VWA3A: variants seen among roughly 807,000 people sequenced by gnomAD.
VWA3A encodes the protein von Willebrand factor A domain containing 3A.
VWA3A carries 134 observed loss-of-function variants against 160.4 expected under a neutral mutation model. The ratio of observed to expected loss-of-function variants is 0.84; its 90% confidence interval spans 0.73 to 0.96. The LOEUF (loss-of-function observed/expected upper bound fraction) is 0.96, where lower values mean the gene tolerates loss of function less well. VWA3A is among the 40% of genes least tolerant of loss of function. The probability of loss-of-function intolerance (pLI) is 0.00; values close to 1 mark genes in which losing one functional copy is unlikely to be tolerated. For missense variants in VWA3A, 1,310 were observed against 1,447.9 expected (o/e 0.90, Z 1.55); for synonymous variants, 476 against 543.4 (o/e 0.88, Z 1.72).
intron 9 of VWA3A, 141 bp from the exon 10 acceptor site, chr16:22,116,618 C>T (rs1284567989): frequency 1.4e-6 from 1 of 691,940 alleles, no homozygotes; most frequent in African/African-American, 1.8e-5. Context: ...CCACCTAGCC[C>T]TGCATGCCAC....
intron 12 of VWA3A, 120 bp from the exon 13 acceptor site, chr16:22,120,848 T>C: frequency 7.8e-7 from 1 of 1,283,358 alleles, no homozygotes; most frequent in Admixed American, 2.6e-5. Context: ...AAAACTGCCT[T>C]TAATCTACCA....
chr16:22,138,612 G>A (rs1598094167), intron 22 of VWA3A, 100 bp downstream of exon 22: 2 of 1,494,162 alleles, frequency 1.3e-6, no homozygotes, highest in East Asian at 2.3e-5. Context: ...AGGGATGGGG[G>A]TGGGTGCTTC....
chr16:22,143,073 C>G (rs1292860217), intron 25 of VWA3A, among the ~76,000 whole-genome samples: 1 of 150,908 alleles, frequency 6.6e-6, no homozygotes, highest in African/African-American at 2.4e-5. Flanking sequence ...TCACTTGAAA[C>G]TGGGAGGTGG....
Position 22,100,534 on chromosome 16 carries a change from C to G in VWA3A, c.428+41C>G, listed in dbSNP as rs140421396. On this transcript the variant is annotated intron_variant, in intron 5 of 33. Transcript: ENST00000389398. ...ACTGTCCTCCCAACACCACAGAACT[C>G]AAGAATTATGTCATTTCAGTCCGGG... 9.1e-6 allele frequency: 14 copies of G among 1,534,666 alleles called. No homozygotes were observed. The East Asian group carries it at 2.9e-4, about 32-fold the overall frequency.
At chr16:22,094,255 G>C (rs893497083) in intron 1 of VWA3A, among the ~76,000 whole-genome samples, 3 of 151,932 alleles carry the variant, frequency 2.0e-5, no homozygotes, top group East Asian at 1.9e-4. Context: ...TGTTCATGAG[G>C]CATTTCTATT....
intron 21 of VWA3A, among the ~76,000 whole-genome samples, chr16:22,135,615 G>C (rs1285877443): frequency 1.3e-5 from 2 of 152,030 alleles, no homozygotes; most frequent in African/African-American, 4.8e-5. Context: ...GAAGCCATTG[G>C]TTTTAGGTCT....
chr16:22,103,382 C>T, intron 5 of VWA3A, 93 bp from the exon 6 acceptor site: 1 of 1,136,266 alleles, frequency 8.8e-7, no homozygotes, highest in Non-Finnish European at 1.2e-6. Flanking sequence ...AAAAAAAAAA[C>T]AATTATTCAT....
Position 22,156,737 on chromosome 16 carries a change from G to A in VWA3A, c.*720G>A, listed in dbSNP as rs2046447655. 6.6e-6 allele frequency: 1 copy of A among 152,188 alleles called. No homozygotes were observed. The highest frequency in any genetic ancestry group is 1.9e-4 in the East Asian group (1 of 5,198). The allele number at this position is 152,188 out of a possible 1,614,324, so 9.4% of individuals were successfully genotyped here. ...CATCCTGGGGGAAGAAGAAACAAGT[G>A]AGCCTCAGCACCACCCTCCATCCCT... On this transcript the variant is annotated 3_prime_UTR_variant, in exon 34 of 34. Coordinates refer to ENST00000389398, the MANE Select transcript of VWA3A (RefSeq NM_173615.5).
chr16:22,094,888 A>T lies in VWA3A; in HGVS notation c.15-1971A>T, dbSNP rs191373408. On this transcript the variant is annotated intron_variant, in intron 1 of 33. Coordinates refer to ENST00000389398, the MANE Select transcript of VWA3A (RefSeq NM_173615.5). ...AGGCTAAGGCAGGAGAATCACTTGA[A>T]CCTGGGAGGTGGAGATTGCAGTGAG... Among the ~76,000 whole-genome samples the T allele has an allele frequency of 2.2e-3, 327 of 151,130 alleles. 3 individuals carry two copies. Among genetic ancestry groups the T allele is most frequent in the African/African-American group, 6.9e-3 (285 of 41,118 alleles).
intron 26 of VWA3A, 103 bp downstream of exon 26, chr16:22,144,487 A>G: frequency 6.8e-7 from 1 of 1,471,036 alleles, no homozygotes; most frequent in Non-Finnish European, 9.0e-7. Flanking sequence ...TGCTTGTAGG[A>G]ACTGCCCTCC....
rs370868262 is a variant in VWA3A at position 22,131,622 on chromosome 16, G to A, written c.1765G>A (p.Val589Ile). 4.3e-6 allele frequency: 7 copies of A among 1,613,730 alleles called. No homozygotes were observed. The highest frequency in any genetic ancestry group is 4.0e-5 in the African/African-American group (3 of 74,922). ...CCTGCGGTGTCGGGGCAGCAGGAAC[G>A]TTCTCAGCGCCCTGCGGAAGGCTGT... ...LNLRCRGSRNVLSALRKAVEV... is the reference protein window; with the variant it reads ...LNLRCRGSRNILSALRKAVEV... Residue 589 changes from valine to isoleucine, a missense_variant, in exon 19 of 34, where the codon GTT becomes ATT. By Grantham distance (29) the Val-to-Ile change is conservative (BLOSUM62 3). Transcript: ENST00000389398.
intron 12 of VWA3A, among the ~76,000 whole-genome samples, chr16:22,120,764 G>T (rs2045718751): frequency 6.6e-6 from 1 of 152,066 alleles, no homozygotes; most frequent in Non-Finnish European, 1.5e-5. Flanking sequence ...GCGAGTTGCT[G>T]GGTACTCCTT....
At position 22,138,407 on chromosome 16, in the gene VWA3A, G is replaced by T; in HGVS notation, c.2187G>T (p.Leu729=). The change falls in exon 22 of 34, where the codon CTG becomes CTT. Residue 729 remains leucine (L), a synonymous_variant. Transcript: ENST00000389398. ...TGAAGAACCATTCAGGAAAAGTACTGGGAAGTTCAGCCCTCCCGAAAGAAA... is the reference window on the plus strand; with the variant it reads ...TGAAGAACCATTCAGGAAAAGTACTTGGAAGTTCAGCCCTCCCGAAAGAAA... ...ASLKNHSGKV[L]GSSALPKEKP... The T allele has an allele frequency of 1.2e-6, 2 of 1,610,642 alleles. No homozygotes were observed. Among genetic ancestry groups the T allele is most frequent in the Non-Finnish European group, 1.7e-6 (2 of 1,178,602 alleles).
chr16:22,123,882 T>A (rs2045791871), intron 16 of VWA3A, among the ~76,000 whole-genome samples, 175 bp downstream of exon 16: 1 of 152,094 alleles, frequency 6.6e-6, no homozygotes, highest in Non-Finnish European at 1.5e-5. Context: ...ATCACTGATG[T>A]CAATAATGTC....
At chr16:22,141,716 T>TCTGGACAGCCCCCTGGCC in intron 24 of VWA3A, 24 bp downstream of exon 24, 1 of 1,574,394 alleles carries the variant, frequency 6.4e-7, no homozygotes, top group Non-Finnish European at 8.7e-7. Flanking sequence ...TATACAGGTG[T>TCTGGACAGCCCCCTGGCC]CTGGACAGCC....
rs1337986738 is a variant in VWA3A at position 22,134,309 on chromosome 16, G to A, written c.2069-59G>A. On this transcript the variant is annotated intron_variant, in intron 20 of 33. Coordinates refer to ENST00000389398, the MANE Select transcript of VWA3A (RefSeq NM_173615.5). ...TGGCTTTCTAGTATCCAGATGATGG[G>A]GACGCTTGCCAGGATCCACACCCTG... is the stretch of plus-strand genomic sequence containing the variant. 5.4e-6 allele frequency: 8 copies of A among 1,477,500 alleles called. No individual in the cohort carries two copies. The East Asian group carries it at 1.2e-4, about 23-fold the overall frequency. The allele number at this position is 1,477,500 out of a possible 1,614,324, so 91.5% of individuals were successfully genotyped here.
intron 21 of VWA3A, among the ~76,000 whole-genome samples, chr16:22,135,938 C>T (rs1433030751): frequency 3.3e-5 from 5 of 152,002 alleles, no homozygotes; most frequent in Admixed American, 6.6e-5. Context: ...TACAGGCACC[C>T]GCCACCACGC....
chr16:22,138,825 C>T (rs963247655), intron 22 of VWA3A, among the ~76,000 whole-genome samples: 14 of 152,142 alleles, frequency 9.2e-5, no homozygotes, highest in African/African-American at 3.4e-4. Flanking sequence ...ATGGCTTATC[C>T]TGGAGAGTCT....
rs1209330216 is a variant in VWA3A at position 22,115,953 on chromosome 16, GGGGA to G, written c.815+499_815+502del. Among the ~76,000 whole-genome samples the G allele has an allele frequency of 5.1e-4, 48 of 94,762 alleles. 4 individuals carry two copies. Among genetic ancestry groups the G allele is most frequent in the South Asian group, 4.1e-3 (7 of 1,688 alleles). 62.2% of individuals were successfully genotyped at this position (94,762 alleles called of 152,430 possible). A position where few individuals can be genotyped will look rare whatever the true frequency, so the allele number is the denominator to read the frequency against. ...AAAGGAAAGGAAGGGAGGAGGGGGT[GGGGA>G]GGGAGGGAGGGAGGGAGAGAGAGAG... On this transcript the variant is annotated intron_variant, in intron 9 of 33. Transcript: ENST00000389398.
Sources: allele counts gnomAD v4.1 joint callset (sites outside exome capture counted in the v4.1 genomes callset), GRCh38; gene constraint gnomAD v4.1.1; transcripts MANE v1.5; gene names NCBI Gene and HGNC (gene_info 2026-07-23, HGNC 2026-07-21).